LINGO2: variants seen among roughly 807,000 people sequenced by gnomAD.
The protein encoded by LINGO2 is leucine rich repeat and Ig domain containing 2.
Under a neutral mutation model 30.6 loss-of-function variants are expected in LINGO2, and 14 were observed. That is an observed-to-expected ratio of 0.46 (90% confidence interval 0.30 to 0.72). The LOEUF (loss-of-function observed/expected upper bound fraction) is 0.72. Ranked by LOEUF, LINGO2 falls within the 30% of genes least tolerant of loss-of-function variation. The pLI is 0.07. For synonymous variants in LINGO2, 317 were observed against 288.5 expected (o/e 1.10, Z -1.00); for missense variants, 729 against 751.7 (o/e 0.97, Z 0.35).
At chr9:28,626,025 AT>A (rs1826656133) in intron 1 of LINGO2, among the ~76,000 whole-genome samples, 1 of 152,118 alleles carries the variant, frequency 6.6e-6, no homozygotes, top group African/African-American at 2.4e-5. Flanking sequence ...AAAACTACAA[AT>A]TGTCTTCAAA....
intron 2 of LINGO2, among the ~76,000 whole-genome samples, chr9:28,403,201 G>A (rs919866026): frequency 2.0e-5 from 3 of 152,148 alleles, no homozygotes; most frequent in African/African-American, 7.2e-5. Flanking sequence ...ATTCCAAAAT[G>A]CTGAACTTCA....
At chr9:27,976,947 T>G (rs1188698867) in intron 5 of LINGO2, among the ~76,000 whole-genome samples, 1 of 151,986 alleles carries the variant, frequency 6.6e-6, no homozygotes, top group Non-Finnish European at 1.5e-5. Context: ...CTAAGTTTGT[T>G]TCTAAATACA....
chr9:28,992,422 C>T, the LINGO2 span, among the ~76,000 whole-genome samples: 9 of 144,692 alleles, frequency 6.2e-5, no homozygotes, highest in Admixed American at 5.0e-4. Context: ...TAATGGGAGA[C>T]TTTAACACCC....
chr9:28,815,536 T>A, the LINGO2 span, among the ~76,000 whole-genome samples: 1 of 152,030 alleles, frequency 6.6e-6, no homozygotes. Context: ...TCTGCATACA[T>A]GTTTGCACTC....
chr9:28,878,701 T>C, the LINGO2 span, among the ~76,000 whole-genome samples: 1 of 152,146 alleles, frequency 6.6e-6, no homozygotes, highest in African/African-American at 2.4e-5. Flanking sequence ...AATCAATAAA[T>C]GTAATCCAGC....
chr9:29,026,889 T>C, the LINGO2 span, among the ~76,000 whole-genome samples: 2 of 152,192 alleles, frequency 1.3e-5, no homozygotes, highest in Non-Finnish European at 2.9e-5. Flanking sequence ...TGCCAGTCCA[T>C]ATATCTGAAT....
chr9:28,213,900 C>A (rs541486824), intron 4 of LINGO2, among the ~76,000 whole-genome samples: 1 of 151,360 alleles, frequency 6.6e-6, no homozygotes, highest in Non-Finnish European at 1.5e-5. Flanking sequence ...AATTAAAGTA[C>A]GCAGTGTTCC....
At chr9:29,202,979 C>T in the LINGO2 span, among the ~76,000 whole-genome samples, 2 of 152,078 alleles carry the variant, frequency 1.3e-5, no homozygotes, top group East Asian at 1.9e-4. Flanking sequence ...CTTGTTCACA[C>T]ATATTTTAAG....
the LINGO2 span, among the ~76,000 whole-genome samples, chr9:28,785,291 T>G: frequency 3.3e-4 from 50 of 152,276 alleles, no homozygotes; most frequent in African/African-American, 1.2e-3. Flanking sequence ...AAGGCATCAT[T>G]GACCATACCT....
intron 1 of LINGO2, among the ~76,000 whole-genome samples, chr9:28,509,853 T>TA (rs1251358200): frequency 6.6e-6 from 1 of 152,232 alleles, no homozygotes; most frequent in Non-Finnish European, 1.5e-5. Context: ...TGCAGACTAA[T>TA]ACATGTATAG....
chr9:29,047,406 G>C, the LINGO2 span, among the ~76,000 whole-genome samples: 1 of 152,122 alleles, frequency 6.6e-6, no homozygotes, highest in South Asian at 2.1e-4. Flanking sequence ...AAAAATAGCA[G>C]TCTATAAGAG....
At chr9:28,617,388 C>T (rs568973268) in intron 1 of LINGO2, among the ~76,000 whole-genome samples, 1 of 152,022 alleles carries the variant, frequency 6.6e-6, no homozygotes, top group Non-Finnish European at 1.5e-5. Flanking sequence ...TTCCGCCTCC[C>T]AGGTTCACGC....
rs145292244 is a variant in LINGO2, at chr9:28,472,222, A to C, written c.-279+3718T>G. Among the ~76,000 whole-genome samples, 1,494 of 152,224 alleles carry C rather than the reference A, an allele frequency of 9.8e-3. 25 individuals carry two copies. The highest frequency in any genetic ancestry group is 0.034 in the Admixed American group (522 of 15,272). ...TATGTTCTGATACAAATATTGCTTA[A>C]CCTATGATACATGGTTATTTTATAT... On this transcript the variant is annotated intron_variant, in intron 2 of 5. Transcript: ENST00000379992.
intron 3 of LINGO2, among the ~76,000 whole-genome samples, chr9:28,340,770 T>C (rs2134388004): frequency 6.6e-6 from 1 of 152,226 alleles, no homozygotes; most frequent in Non-Finnish European, 1.5e-5. Context: ...GGGTTTATGA[T>C]GCTCATTATA....
chr9:29,031,765 A>C, the LINGO2 span, among the ~76,000 whole-genome samples: 12 of 152,292 alleles, frequency 7.9e-5, no homozygotes, highest in South Asian at 2.5e-3. Flanking sequence ...TCTTCCGATA[A>C]GTATGAAACT....
intron 5 of LINGO2, among the ~76,000 whole-genome samples, chr9:27,993,459 C>T (rs1563891175): frequency 6.6e-6 from 1 of 151,972 alleles, no homozygotes; most frequent in Non-Finnish European, 1.5e-5. Flanking sequence ...ATTGCTTGAG[C>T]CCAGGAGGTT....
intron 1 of LINGO2, among the ~76,000 whole-genome samples, chr9:28,659,260 A>T (rs1480286883): frequency 1.3e-5 from 2 of 152,096 alleles, no homozygotes; most frequent in African/African-American, 4.8e-5. Flanking sequence ...GAATTGAGGA[A>T]AGATATTAAT....
intron 4 of LINGO2, among the ~76,000 whole-genome samples, chr9:28,248,293 T>C (rs973711376): frequency 2.0e-5 from 3 of 152,162 alleles, no homozygotes; most frequent in African/African-American, 7.2e-5. Context: ...AATGAGAGTC[T>C]GTCATTTGCA....
chr9:28,622,847 A>T (rs1587975549), intron 1 of LINGO2, among the ~76,000 whole-genome samples: 1 of 151,626 alleles, frequency 6.6e-6, no homozygotes, highest in African/African-American at 2.4e-5. Context: ...CCTCATCAGC[A>T]TTGATTATTG....
Sources: allele counts gnomAD v4.1 joint callset (sites outside exome capture counted in the v4.1 genomes callset), GRCh38; gene constraint gnomAD v4.1.1; transcripts MANE v1.5; gene names NCBI Gene and HGNC (gene_info 2026-07-23, HGNC 2026-07-21).